Variants in NDUFA10 observed in about 807,000 individuals in gnomAD.
NDUFA10 encodes NADH:ubiquinone oxidoreductase subunit A10, also known as NADH dehydrogenase [ubiquinone] 1 alpha subcomplex subunit 10, mitochondrial.
A neutral mutation model predicts 47.8 loss-of-function variants in NDUFA10; 40 were observed. The ratio of observed to expected loss-of-function variants is 0.84; its 90% CI spans 0.65 to 1.09. NDUFA10 has a LOEUF of 1.09. NDUFA10 is among the 50% of genes least tolerant of loss of function. The pLI is 0.00. For synonymous variants in NDUFA10, 183 were observed against 172.2 expected, an observed-to-expected ratio of 1.06 and a Z score of -0.49; for missense variants, 413 against 451.1, an observed-to-expected ratio of 0.92 and a Z score of 0.76.
At chr2:239,953,860 A>G (rs1694603960), downstream of NDUFA10, among the ~76,000 whole-genome samples, 1 of 152,108 alleles carries the variant, frequency 6.6e-6, no homozygotes, top group Admixed American at 6.5e-5. Flanking sequence ...AAACCCACAC[A>G]CTGGCGTCTC....
chr2:240,014,606 TGG>T (rs1217597119), intron 5 of NDUFA10, 131 bp downstream of exon 5: 1 of 1,397,080 alleles, frequency 7.2e-7, no homozygotes. Context: ...CTCTCTCAAG[TGG>T]GAACAGGGTG....
rs1694744821 is a variant in NDUFA10, at chr2:239,959,167, C to G, written c.*1951G>C. On this transcript the variant is annotated 3_prime_UTR_variant, in exon 10 of 10. Coordinates refer to ENST00000252711, the MANE Select transcript of NDUFA10 (RefSeq NM_004544.4). ...ACAAATTACATACTTCCCACTCCAT[C>G]AAGGGAATGCAACCACACAGGGTCA... is the stretch of plus-strand genomic sequence containing the variant. The G allele has an allele frequency of 1.0e-6, 1 of 985,474 alleles. No homozygotes were observed. The highest frequency in any genetic ancestry group is 1.2e-6 in the Non-Finnish European group (1 of 829,950). 61.0% of individuals were successfully genotyped at this position (985,474 alleles called of 1,614,324 possible). A position where few individuals can be genotyped will look rare whatever the true frequency, so the allele number is the denominator to read the frequency against.
chr2:239,964,928 C>G (rs557737808), intron 9 of NDUFA10, among the ~76,000 whole-genome samples: 3 of 152,186 alleles, frequency 2.0e-5, no homozygotes, highest in Non-Finnish European at 2.9e-5. Context: ...CAAACCCACA[C>G]GACGGCCAGC....
intron 3 of NDUFA10, among the ~76,000 whole-genome samples, chr2:240,020,174 G>A (rs961004328): frequency 3.3e-5 from 5 of 152,298 alleles, no homozygotes; most frequent in South Asian, 2.1e-4. Context: ...CCTGTGAGCC[G>A]GCCACTCCCA....
rs1695663569 is a variant in NDUFA10 at position 239,979,240 on chromosome 2, A to G, written c.999+10834T>C. On this transcript the variant is annotated intron_variant, in intron 9 of 9. Coordinates refer to ENST00000252711, the MANE Select transcript of NDUFA10 (RefSeq NM_004544.4). ...CCTTTGTTACAAACGGCAAATTCCTATCTTAGAACCCCACCCCACAGCCCA... is the reference window on the plus strand; with the variant it reads ...CCTTTGTTACAAACGGCAAATTCCTGTCTTAGAACCCCACCCCACAGCCCA... 1.3e-5 allele frequency among the ~76,000 whole-genome samples: 2 copies of G among 152,138 alleles called. 1 individual carries two copies. Among genetic ancestry groups the G allele is most frequent in the East Asian group, 3.9e-4 (2 of 5,186 alleles).
intron 4 of NDUFA10, among the ~76,000 whole-genome samples, chr2:239,911,106 C>A (rs1426175440): frequency 1.3e-5 from 2 of 152,216 alleles, no homozygotes; most frequent in Non-Finnish European, 1.5e-5. Flanking sequence ...CACGCTGGGG[C>A]CTCGTTCCTG....
At chr2:239,977,991 C>A (rs1695597180) in intron 9 of NDUFA10, among the ~76,000 whole-genome samples, 1 of 152,160 alleles carries the variant, frequency 6.6e-6, no homozygotes, top group South Asian at 2.1e-4. Flanking sequence ...AGGTTGGGGT[C>A]CTATGAAACA....
chr2:239,977,621 T>C (rs943186743), intron 9 of NDUFA10, among the ~76,000 whole-genome samples: 4 of 152,186 alleles, frequency 2.6e-5, no homozygotes, highest in African/African-American at 7.2e-5. Context: ...AGCCATCACA[T>C]CCAGGATGTT....
chr2:239,953,258 C>T (rs1003983739), downstream of NDUFA10, among the ~76,000 whole-genome samples: 8 of 152,152 alleles, frequency 5.3e-5, no homozygotes, highest in Non-Finnish European at 7.4e-5. Context: ...GTCACAAGAC[C>T]ATATACGCAG....
chr2:240,017,676 C>T, intron 4 of NDUFA10: 2 of 672,828 alleles, frequency 3.0e-6, no homozygotes, highest in Non-Finnish European at 2.6e-6. Context: ...CGCTGCTCAG[C>T]ATGTCCAGGG....
chr2:239,933,561 G>C (rs1694213737), intron 4 of NDUFA10, among the ~76,000 whole-genome samples: 1 of 151,664 alleles, frequency 6.6e-6, no homozygotes, highest in African/African-American at 2.4e-5. Context: ...CTGTCACCCA[G>C]GCTGGAGTGC....
downstream of NDUFA10, among the ~76,000 whole-genome samples, chr2:239,955,454 G>C (rs4854070): frequency 0.77 from 116,853 of 151,810 alleles, 45,327 homozygotes; most frequent in African/African-American, 0.87. Context: ...TCATCAGGGA[G>C]CTGGTCCACA....
chr2:239,916,294 TACAGACACAC>T (rs1291769124), intron 4 of NDUFA10, among the ~76,000 whole-genome samples: 1 of 146,258 alleles, frequency 6.8e-6, no homozygotes, highest in Non-Finnish European at 1.5e-5. Flanking sequence ...GATACAAATA[TACAGACACAC>T]ACAGACACAG....
intron 9 of NDUFA10, among the ~76,000 whole-genome samples, chr2:239,986,554 T>C (rs1024228518): frequency 6.6e-6 from 1 of 152,164 alleles, no homozygotes; most frequent in Non-Finnish European, 1.5e-5. Context: ...GAAACAAGTA[T>C]AGATGTATCT....
chr2:239,963,933 A>G (rs1694957150), intron 9 of NDUFA10, among the ~76,000 whole-genome samples: 1 of 152,212 alleles, frequency 6.6e-6, no homozygotes, highest in Non-Finnish European at 1.5e-5. Flanking sequence ...CCAGATGGCC[A>G]CTAGCTCTGC....
chr2:239,970,054 G>C (rs1485830744), intron 9 of NDUFA10, among the ~76,000 whole-genome samples: 1 of 152,096 alleles, frequency 6.6e-6, no homozygotes, highest in Admixed American at 6.5e-5. Context: ...TAAACCCCAG[G>C]CAGGATAAAT....
chr2:239,904,102 A>G (rs12328760), intron 4 of NDUFA10, among the ~76,000 whole-genome samples: 128,085 of 151,082 alleles, frequency 0.85, 54,345 homozygotes, highest in East Asian at 0.99. Context: ...AAGGGGGCAA[A>G]AGGAGGAGGG....
At chr2:239,919,428 C>T (rs1218503296) in intron 4 of NDUFA10, among the ~76,000 whole-genome samples, 1 of 127,884 alleles carries the variant, frequency 7.8e-6, no homozygotes, top group Non-Finnish European at 1.8e-5. Flanking sequence ...GCTGGCTCCT[C>T]GAGGGCAGGG....
chr2:239,941,438 C>G (rs1694359906), intron 4 of NDUFA10, among the ~76,000 whole-genome samples: 1 of 152,096 alleles, frequency 6.6e-6, no homozygotes, highest in African/African-American at 2.4e-5. Context: ...ATCAAAACGA[C>G]AAAGTTCAAG....
Sources: allele counts gnomAD v4.1 joint callset (sites outside exome capture counted in the v4.1 genomes callset), GRCh38; gene constraint gnomAD v4.1.1; transcripts MANE v1.5; gene names NCBI Gene and HGNC (gene_info 2026-07-23, HGNC 2026-07-21).